CSF2RA: variants seen among roughly 807,000 people sequenced by gnomAD.
CSF2RA encodes granulocyte-macrophage colony-stimulating factor receptor subunit alpha.
Under a neutral mutation model 51.6 loss-of-function variants are expected in CSF2RA, and 42 were observed. The ratio of observed to expected loss-of-function variants is 0.81; its 90% CI spans 0.64 to 1.05. The LOEUF (loss-of-function observed/expected upper bound fraction) is 1.05. Among genes scored for constraint, CSF2RA ranks in the 50% least tolerant of loss-of-function variants. The pLI is 0.00. For missense variants in CSF2RA, 530 were observed against 501.1 expected, an observed-to-expected ratio of 1.06 and a Z score of -0.55; for synonymous variants, 222 against 193.0, an observed-to-expected ratio of 1.15 and a Z score of -1.24.
intron 2 of CSF2RA, among the ~76,000 whole-genome samples, chrX:1,280,746 C>T (rs1198014323): frequency 6.7e-6 from 1 of 150,200 alleles, no homozygotes; most frequent in Non-Finnish European, 1.5e-5. Flanking sequence ...CCTTCTCCTC[C>T]TCCTTTTTCT....
At chrX:1,275,963 G>A (rs1329614170) in intron 2 of CSF2RA, among the ~76,000 whole-genome samples, 5 of 151,966 alleles carry the variant, frequency 3.3e-5, no homozygotes, top group African/African-American at 1.2e-4. Context: ...AAAGTGCTGG[G>A]ATTACAGGCG....
At chrX:1,285,166 G>T (rs2090492606) in intron 3 of CSF2RA, among the ~76,000 whole-genome samples, 1 of 152,096 alleles carries the variant, frequency 6.6e-6, no homozygotes, top group Non-Finnish European at 1.5e-5. Flanking sequence ...CTCCCAAGGT[G>T]CTGGGATTAG....
chrX:1,300,649 G>C (rs762097349), intron 10 of CSF2RA, 23 bp downstream of exon 10: 13 of 1,613,782 alleles, frequency 8.1e-6, no homozygotes, highest in Non-Finnish European at 1.1e-5. Flanking sequence ...CGGAGGTAAG[G>C]GATGTTTGTG....
chrX:1,322,097 C>G, the CSF2RA span, among the ~76,000 whole-genome samples: 40 of 47,072 alleles, frequency 8.5e-4, 1 homozygote, highest in Middle Eastern at 9.6e-3. Context: ...TAATAACATC[C>G]TATTATTTAT....
chrX:1,287,510 C>T (rs1266653478), intron 4 of CSF2RA, among the ~76,000 whole-genome samples: 1 of 150,006 alleles, frequency 6.7e-6, no homozygotes, highest in East Asian at 2.0e-4. Context: ...CTGGCGTGAT[C>T]TCAGCTCCCT....
At chrX:1,281,570 T>A (rs1421246042) in intron 2 of CSF2RA, among the ~76,000 whole-genome samples, 1 of 151,894 alleles carries the variant, frequency 6.6e-6, no homozygotes, top group African/African-American at 2.4e-5. Flanking sequence ...CCTCCTTCTT[T>A]TTCCTTTTTT....
Position 1,284,195 on chromosome X carries a change from C to CTCTTTTTTTTTTTTTT in CSF2RA, c.76+1417_76+1418insCTTTTTTTTTTTTTTT, listed in dbSNP as rs1443798206. On this transcript the variant is annotated intron_variant, in intron 3 of 12. Transcript: ENST00000381529. ...CAAGCGGTTTTCTTTCTCTGTCTCT[C>CTCTTTTTTTTTTTTTT]TTTTTTTTTTTTTTTTTTTTTTTTT... Among the ~76,000 whole-genome samples the CTCTTTTTTTTTTTTTT allele has an allele frequency of 5.4e-5, 5 of 91,750 alleles. 2 individuals are homozygous for CTCTTTTTTTTTTTTTT. Among genetic ancestry groups the CTCTTTTTTTTTTTTTT allele is most frequent in the African/African-American group, 1.2e-4 (3 of 25,370 alleles). The allele number at this position is 91,750 out of a possible 152,430, so 60.2% of individuals were successfully genotyped here.
intron 1 of CSF2RA, among the ~76,000 whole-genome samples, chrX:1,270,365 G>A (rs1398755315): frequency 1.3e-5 from 2 of 151,818 alleles, no homozygotes; most frequent in Admixed American, 6.6e-5. Flanking sequence ...TCGGCCTCCC[G>A]AGTAGCTGGG....
At chrX:1,300,742 A>C (rs1164900273) in intron 10 of CSF2RA, 116 bp downstream of exon 10, 2 of 1,331,074 alleles carry the variant, frequency 1.5e-6, no homozygotes, top group African/African-American at 1.4e-5. Context: ...CGTCGCTGGG[A>C]GTAGTGTCAG....
intron 7 of CSF2RA, among the ~76,000 whole-genome samples, chrX:1,292,413 C>T (rs1244859968): frequency 3.9e-5 from 6 of 152,156 alleles, no homozygotes; most frequent in African/African-American, 1.4e-4. Flanking sequence ...GACCGGCGCT[C>T]AGCATACGGA....
intron 12 of CSF2RA, among the ~76,000 whole-genome samples, chrX:1,308,045 G>A (rs775199569): frequency 6.8e-6 from 1 of 147,856 alleles, no homozygotes; most frequent in Non-Finnish European, 1.5e-5. Flanking sequence ...CCCCTCTTCA[G>A]ACCTTCAACT....
At chrX:1,314,967 ACTGTGCCTGCCCAATCG>A (rs1569515160), downstream of CSF2RA, among the ~76,000 whole-genome samples, 36 of 105,200 alleles carry the variant, frequency 3.4e-4, no homozygotes, top group African/African-American at 1.2e-3. Context: ...GCCCAACCCC[ACTGTGCCTGCCCAATCG>A]CACTGCACCT....
At chrX:1,294,501 G>A (rs774018338) in intron 8 of CSF2RA, 40 bp downstream of exon 8, 6 of 1,612,462 alleles carry the variant, frequency 3.7e-6, no homozygotes, top group East Asian at 2.2e-5. Flanking sequence ...CAGGAGGGAG[G>A]CGTACGGGAC....
At chrX:1,281,192 CCTCCTTCTCCTACT>C (rs2148208373) in intron 2 of CSF2RA, among the ~76,000 whole-genome samples, 1 of 83,238 alleles carries the variant, frequency 1.2e-5, no homozygotes, top group East Asian at 7.3e-4. Context: ...TTCTCCTTCT[CCTCCTTCTCCTACT>C]CCTCCTTCTC....
chrX:1,304,738 C>G (rs755094690), intron 11 of CSF2RA, among the ~76,000 whole-genome samples: 1 of 152,060 alleles, frequency 6.6e-6, no homozygotes. Context: ...AATCTCGGCT[C>G]ACTGCAACCT....
intron 10 of CSF2RA, among the ~76,000 whole-genome samples, chrX:1,302,445 G>C (rs1273508663): frequency 1.3e-5 from 2 of 152,160 alleles, no homozygotes; most frequent in African/African-American, 4.8e-5. Flanking sequence ...GGGATGATCA[G>C]AGGTGCATTC....
At chrX:1,307,337 G>A (rs2083678263) in intron 12 of CSF2RA, among the ~76,000 whole-genome samples, 1 of 152,054 alleles carries the variant, frequency 6.6e-6, no homozygotes, top group Admixed American at 6.6e-5. Context: ...GATTGAATGA[G>A]GCCCACCCTT....
In CSF2RA at chrX:1,294,350, T is replaced by C. The variant is rs777819862; in HGVS notation, c.669T>C (p.Asn223=). The C allele has an allele frequency of 6.2e-7, 1 of 1,613,518 alleles. No homozygotes were observed. The highest frequency in any genetic ancestry group is 1.3e-5 in the African/African-American group (1 of 74,880). ...KKIERFNPPS[N]VTVRCNTTHC... is the part of the protein sequence containing the mutation. Reference sequence around the variant, plus strand: ...CAGAACGATTCAACCCTCCCAGCAATGTCACCGTACGTTGCAACACGACGC... The same window carrying C: ...CAGAACGATTCAACCCTCCCAGCAACGTCACCGTACGTTGCAACACGACGC... The change falls in exon 8 of 13, where the codon AAT becomes AAC. Residue 223 remains asparagine, a synonymous_variant. Transcript: ENST00000381529.
chrX:1,293,020 C>T (rs1459057761), intron 7 of CSF2RA, among the ~76,000 whole-genome samples: 3 of 152,126 alleles, frequency 2.0e-5, no homozygotes, highest in African/African-American at 7.2e-5. Context: ...ATGGCGATGA[C>T]TTTTACCAAG....
Sources: gnomAD v4.1 joint callset for allele counts (sites outside exome capture counted in the v4.1 genomes callset) on GRCh38, gnomAD v4.1.1 for gene constraint, MANE v1.5 for transcripts, NCBI Gene and HGNC (gene_info 2026-07-23, HGNC 2026-07-21) for gene names.